Variants in STK33 observed in about 807,000 individuals in gnomAD.
STK33 encodes the protein serine/threonine-protein kinase 33.
A neutral mutation model predicts 58.0 loss-of-function variants in STK33; 52 were observed. The observed-to-expected ratio is 0.90, with a 90% CI of 0.72 to 1.13. The LOEUF is 1.13. Ranked by LOEUF, STK33 falls within the 50% of genes most tolerant of loss-of-function variation. The probability of loss-of-function intolerance (pLI) is 0.00; values close to 1 mark genes in which losing one functional copy is unlikely to be tolerated. For missense variants in STK33, 630 were observed against 604.2 expected (o/e 1.04, Z -0.45); for synonymous variants, 215 against 200.1 (o/e 1.07, Z -0.63).
intron 5 of STK33, among the ~76,000 whole-genome samples, chr11:8,474,025 A>C (rs1438049797): frequency 2.0e-5 from 3 of 152,292 alleles, no homozygotes; most frequent in Non-Finnish European, 4.4e-5. Context: ...ATACAAAAAA[A>C]TTAGCTGGGC....
intron 1 of STK33, among the ~76,000 whole-genome samples, chr11:8,548,297 T>C (rs539591131): frequency 2.0e-5 from 3 of 152,324 alleles, no homozygotes; most frequent in East Asian, 1.9e-4. Flanking sequence ...TGGTGAGAGA[T>C]AGGGATCTAG....
At chr11:8,588,304 A>G (rs1205718847) in intron 1 of STK33, among the ~76,000 whole-genome samples, 2 of 152,230 alleles carry the variant, frequency 1.3e-5, no homozygotes, top group Non-Finnish European at 2.9e-5. Context: ...AAGTCCTGTT[A>G]GCAATATGGA....
At chr11:8,536,606 G>A (rs971232448) in intron 1 of STK33, among the ~76,000 whole-genome samples, 3 of 152,150 alleles carry the variant, frequency 2.0e-5, no homozygotes, top group Non-Finnish European at 4.4e-5. Flanking sequence ...AAGTTTTATT[G>A]TTTAACAACT....
intron 1 of STK33, among the ~76,000 whole-genome samples, chr11:8,547,944 T>C (rs915461768): frequency 6.8e-6 from 1 of 146,156 alleles, no homozygotes; most frequent in Non-Finnish European, 1.5e-5. Flanking sequence ...TTCTCACTCA[T>C]AGGTGGGAAC....
intron 1 of STK33, among the ~76,000 whole-genome samples, chr11:8,566,797 T>C (rs1368585913): frequency 6.6e-6 from 1 of 152,176 alleles, no homozygotes; most frequent in African/African-American, 2.4e-5. Flanking sequence ...TGACCTCTAG[T>C]GGAAATTTTT....
chr11:8,370,204 T>C, the STK33 span, among the ~76,000 whole-genome samples: 1 of 150,380 alleles, frequency 6.6e-6, no homozygotes, highest in Non-Finnish European at 1.5e-5. Context: ...AGATGAGGCT[T>C]TTTTTTTTAA....
At chr11:8,448,656 G>A (rs1403159470) in intron 11 of STK33, among the ~76,000 whole-genome samples, 1 of 152,096 alleles carries the variant, frequency 6.6e-6, no homozygotes, top group East Asian at 1.9e-4. Context: ...AGACTTAAAT[G>A]TTAGACCTAA....
At chr11:8,486,824 G>T (rs1950225062) in intron 1 of STK33, among the ~76,000 whole-genome samples, 1 of 152,214 alleles carries the variant, frequency 6.6e-6, no homozygotes, top group Non-Finnish European at 1.5e-5. Flanking sequence ...CAGAATCAGG[G>T]ATGGGAAAAG....
chr11:8,442,431 A>G (rs1474001523), intron 11 of STK33, among the ~76,000 whole-genome samples: 1 of 152,204 alleles, frequency 6.6e-6, no homozygotes, highest in Non-Finnish European at 1.5e-5. Flanking sequence ...GCTCTTTCAG[A>G]GTCATCTTAA....
At chr11:8,519,054 C>T (rs570093439) in intron 1 of STK33, among the ~76,000 whole-genome samples, 1 of 152,308 alleles carries the variant, frequency 6.6e-6, no homozygotes, top group East Asian at 1.9e-4. Context: ...CTCAGCACCA[C>T]ATCACAATTA....
At chr11:8,477,077 A>G (rs1196142770) in intron 3 of STK33, among the ~76,000 whole-genome samples, 173 bp downstream of exon 3, 1 of 151,954 alleles carries the variant, frequency 6.6e-6, no homozygotes, top group Non-Finnish European at 1.5e-5. Context: ...GAGGACAGGT[A>G]CATTAAAAGT....
At chr11:8,365,405 T>G in the STK33 span, among the ~76,000 whole-genome samples, 5 of 152,120 alleles carry the variant, frequency 3.3e-5, no homozygotes, top group African/African-American at 1.2e-4. Context: ...CCCATTTAAT[T>G]CTCATAATTA....
chr11:8,529,996 T>C (rs541748138), intron 1 of STK33, among the ~76,000 whole-genome samples: 9 of 152,298 alleles, frequency 5.9e-5, no homozygotes, highest in Non-Finnish European at 1.3e-4. Context: ...TGTTTTTAAA[T>C]GAACATGCTG....
At chr11:8,525,755 G>C (rs901202435) in intron 1 of STK33, among the ~76,000 whole-genome samples, 1 of 152,114 alleles carries the variant, frequency 6.6e-6, no homozygotes, top group African/African-American at 2.4e-5. Flanking sequence ...ATACCATTAA[G>C]AGAGTGAAAG....
intron 1 of STK33, among the ~76,000 whole-genome samples, chr11:8,551,097 G>A (rs558378763): frequency 8.5e-5 from 13 of 152,120 alleles, no homozygotes; most frequent in African/African-American, 2.7e-4. Context: ...CAGGCAAAAC[G>A]ACTCCCTGAA....
intron 11 of STK33, among the ~76,000 whole-genome samples, chr11:8,446,804 T>C (rs997427708): frequency 6.6e-6 from 1 of 152,142 alleles, no homozygotes; most frequent in Non-Finnish European, 1.5e-5. Flanking sequence ...TTACACCTTA[T>C]ACAAAAATTA....
At position 8,436,567 on chromosome 11, in the gene STK33, G is replaced by GA. The variant is rs111314120; in HGVS notation, c.948-429dup. On this transcript the variant is annotated intron_variant, in intron 12 of 15. Transcript: ENST00000687296. ...GAACATAATGCAAATTGACTCAACT[G>GA]AAAAATACAATGAGTTATCAGGGTC... Among the ~76,000 whole-genome samples the GA allele has an allele frequency of 1.9e-3, 287 of 152,264 alleles. 1 individual carries two copies. Among genetic ancestry groups the GA allele is most frequent in the African/African-American group, 6.7e-3 (279 of 41,560 alleles).
At chr11:8,462,943 C>T (rs980645793) in intron 7 of STK33, among the ~76,000 whole-genome samples, 3 of 152,116 alleles carry the variant, frequency 2.0e-5, no homozygotes, top group African/African-American at 7.2e-5. Context: ...GGTCCTATTC[C>T]TCCACCTCCC....
intron 1 of STK33, among the ~76,000 whole-genome samples, chr11:8,523,795 G>A (rs533080118): frequency 4.8e-4 from 73 of 152,278 alleles, no homozygotes; most frequent in African/African-American, 1.7e-3. Flanking sequence ...CCCTCTGCCC[G>A]GCCGCCACCC....
Sources: gnomAD v4.1 joint callset for allele counts (sites outside exome capture counted in the v4.1 genomes callset) on GRCh38, gnomAD v4.1.1 for gene constraint, MANE v1.5 for transcripts, NCBI Gene and HGNC (gene_info 2026-07-23, HGNC 2026-07-21) for gene names.